Variants in PACRG observed in about 807,000 individuals in gnomAD.
PACRG encodes the protein parkin coregulated, also known as parkin coregulated gene protein.
In PACRG, 29 loss-of-function variants were observed where a neutral mutation model predicts 29.7. The observed-to-expected ratio is 0.98, with a 90% CI of 0.73 to 1.33. The LOEUF is 1.33. Ranked by LOEUF, PACRG falls within the 40% of genes most tolerant of loss-of-function variation. The pLI is 0.00. For missense variants in PACRG, 279 were observed against 316.2 expected (o/e 0.88, Z 0.89); for synonymous variants, 116 against 118.7 (o/e 0.98, Z 0.15).
At chr6:163,071,154 CAAAG>C (rs1812008560) in intron 3 of PACRG, among the ~76,000 whole-genome samples, 1 of 152,050 alleles carries the variant, frequency 6.6e-6, no homozygotes, top group Non-Finnish European at 1.5e-5. Context: ...AGAAAATCAA[CAAAG>C]AAACATTGAC....
intron 1 of PACRG, among the ~76,000 whole-genome samples, chr6:162,730,075 T>C (rs1466867275): frequency 6.6e-6 from 1 of 152,056 alleles, no homozygotes; most frequent in East Asian, 1.9e-4. Flanking sequence ...TTTTTTTTTT[T>C]TTAATACCCA....
At position 163,192,711 on chromosome 6, in the gene PACRG, T is replaced by A. The variant is rs78028558; in HGVS notation, c.613+103303T>A. ...CTCTGACATGGATGGCTTATGTGGATCTCTATTTAGACTTGATGAGAGAAC... is the reference window on the plus strand; with the variant it reads ...CTCTGACATGGATGGCTTATGTGGAACTCTATTTAGACTTGATGAGAGAAC... On this transcript the variant is annotated intron_variant, in intron 4 of 4. Transcript: ENST00000366888. Among the ~76,000 whole-genome samples the A allele has an allele frequency of 4.8e-3, 731 of 152,356 alleles. 6 individuals are homozygous for A. The highest frequency in any genetic ancestry group is 0.017 in the African/African-American group (695 of 41,580).
chr6:162,882,895 C>G (rs912327699), intron 2 of PACRG, among the ~76,000 whole-genome samples: 3 of 152,192 alleles, frequency 2.0e-5, no homozygotes, highest in Non-Finnish European at 4.4e-5. Context: ...GAAACCCTGA[C>G]TAGATCATTT....
intron 2 of PACRG, among the ~76,000 whole-genome samples, chr6:162,866,908 A>G (rs1270720618): frequency 6.6e-6 from 1 of 152,220 alleles, no homozygotes; most frequent in Non-Finnish European, 1.5e-5. Flanking sequence ...TGCATCAGGA[A>G]AGCCAAACAT....
chr6:163,144,518 C>T (rs941307977), intron 4 of PACRG, among the ~76,000 whole-genome samples: 17 of 151,944 alleles, frequency 1.1e-4, no homozygotes, highest in African/African-American at 3.6e-4. Flanking sequence ...CCTGTAATCC[C>T]AGCACTTTGG....
chr6:162,792,418 G>A (rs551224730), intron 1 of PACRG, among the ~76,000 whole-genome samples: 2 of 152,286 alleles, frequency 1.3e-5, no homozygotes, highest in Non-Finnish European at 2.9e-5. Flanking sequence ...ATAAGAAATG[G>A]TAGTCTTAGA....
chr6:162,736,932 T>C lies in PACRG; in HGVS notation c.156+8541T>C, dbSNP rs551728015. Among the ~76,000 whole-genome samples the C allele has an allele frequency of 1.1e-4, 17 of 152,314 alleles. No individual in the cohort carries two copies. In the East Asian group the frequency reaches 3.1e-3, roughly 28 times the overall value. ...GCTTTGAATTTGTCATAATTTACTTTGTCTTTCACTTAGGTTGTTTTCAAG... is the reference window on the plus strand; with the variant it reads ...GCTTTGAATTTGTCATAATTTACTTCGTCTTTCACTTAGGTTGTTTTCAAG... On this transcript the variant is annotated intron_variant, in intron 1 of 4. Transcript: ENST00000366888.
At chr6:162,810,552 C>T (rs1786765333) in intron 1 of PACRG, among the ~76,000 whole-genome samples, 2 of 152,046 alleles carry the variant, frequency 1.3e-5, no homozygotes, top group Admixed American at 1.3e-4. Flanking sequence ...TATTATGACA[C>T]CCTTGAGACA....
chr6:163,102,562 A>AT (rs35755382), intron 4 of PACRG, among the ~76,000 whole-genome samples: 5 of 151,980 alleles, frequency 3.3e-5, no homozygotes, highest in South Asian at 2.1e-4. Flanking sequence ...TTCTAAGAGT[A>AT]TTTTTTTTCC....
intron 4 of PACRG, among the ~76,000 whole-genome samples, chr6:163,283,678 G>A (rs941778341): frequency 4.6e-5 from 7 of 151,812 alleles, no homozygotes; most frequent in Non-Finnish European, 1.0e-4. Context: ...GCGGGCGCCT[G>A]TAGTCCCAGC....
chr6:163,057,411 G>A (rs1810692225), intron 2 of PACRG, among the ~76,000 whole-genome samples: 1 of 152,064 alleles, frequency 6.6e-6, no homozygotes, highest in Non-Finnish European at 1.5e-5. Flanking sequence ...TGATCAGCCT[G>A]AGCTGCTTAT....
chr6:162,884,615 T>A (rs1469648548), intron 2 of PACRG, among the ~76,000 whole-genome samples: 1 of 152,250 alleles, frequency 6.6e-6, no homozygotes, highest in Non-Finnish European at 1.5e-5. Flanking sequence ...GACTACTTCA[T>A]GAATTTTAGT....
intron 2 of PACRG, among the ~76,000 whole-genome samples, chr6:162,985,599 TA>T (rs1170593973): frequency 3.3e-5 from 5 of 152,016 alleles, no homozygotes; most frequent in African/African-American, 1.2e-4. Flanking sequence ...CAGCCAACAT[TA>T]TACTGAATGG....
rs1238564478 is a variant in PACRG at position 163,269,959 on chromosome 6, G to GAAAAC, written c.614-44865_614-44864insACAAA. 1.4e-4 allele frequency among the ~76,000 whole-genome samples: 8 copies of GAAAAC among 57,898 alleles called. 1 individual carries two copies. Among genetic ancestry groups the GAAAAC allele is most frequent in the African/African-American group, 6.8e-4 (7 of 10,268 alleles). 38.0% of individuals were successfully genotyped at this position (57,898 alleles called of 152,430 possible). A position where few individuals can be genotyped will look rare whatever the true frequency, so the allele number is the denominator to read the frequency against. ...AGAAAGAAAGAAAGAAAGAAAGAAA[G>GAAAAC]AAAGAAAGAAAGAAAGAAAGAAAGA... On this transcript the variant is annotated intron_variant, in intron 4 of 4. Coordinates refer to ENST00000366888, the MANE Select transcript of PACRG (RefSeq NM_001080379.2).
intron 3 of PACRG, among the ~76,000 whole-genome samples, chr6:163,065,446 G>A (rs1811451997): frequency 6.6e-6 from 1 of 152,146 alleles, no homozygotes; most frequent in Non-Finnish European, 1.5e-5. Context: ...ACGAAATTCA[G>A]AAGGGGATTC....
intron 4 of PACRG, among the ~76,000 whole-genome samples, chr6:163,267,808 T>C (rs1251939405): frequency 6.6e-6 from 1 of 152,232 alleles, no homozygotes; most frequent in Non-Finnish European, 1.5e-5. Context: ...TAATAAATTA[T>C]TAATTTCAAA....
rs531226558 is a variant in PACRG, at chr6:162,829,588, C to T, written c.291+15307C>T. On this transcript the variant is annotated intron_variant, in intron 2 of 4. Coordinates refer to ENST00000366888, the MANE Select transcript of PACRG (RefSeq NM_001080379.2). ...AGCTGCATAATGTGGTTTTGGTGAA[C>T]GATGAACTGCATATTCGATGGTGGG... is the stretch of plus-strand genomic sequence containing the variant. Among the ~76,000 whole-genome samples the T allele has an allele frequency of 3.3e-5, 5 of 152,238 alleles. 1 individual carries two copies. The Middle Eastern group carries it at 0.01, about 311-fold the overall frequency.
intron 4 of PACRG, among the ~76,000 whole-genome samples, chr6:163,162,601 A>G (rs984250519): frequency 6.6e-6 from 1 of 152,248 alleles, no homozygotes; most frequent in Non-Finnish European, 1.5e-5. Context: ...GAAAGACCCC[A>G]GTTCACACGG....
intron 3 of PACRG, among the ~76,000 whole-genome samples, chr6:163,069,376 G>A (rs1455142141): frequency 6.6e-6 from 1 of 151,392 alleles, no homozygotes; most frequent in Non-Finnish European, 1.5e-5. Context: ...ATTCAAAATA[G>A]CTGTGTTGAG....
Sources: gnomAD v4.1 joint callset for allele counts (sites outside exome capture counted in the v4.1 genomes callset) on GRCh38, gnomAD v4.1.1 for gene constraint, MANE v1.5 for transcripts, NCBI Gene and HGNC (gene_info 2026-07-23, HGNC 2026-07-21) for gene names.